The following KLHDC4 variants were observed in gnomAD, a reference collection of about 807,000 sequenced individuals.
The protein encoded by KLHDC4 is kelch domain containing 4.
A neutral mutation model predicts 62.4 loss-of-function variants in KLHDC4; 90 were observed. The ratio of observed to expected loss-of-function variants is 1.44; its 90% CI spans 1.22 to 1.72. The LOEUF is 1.72. Ranked by LOEUF, KLHDC4 falls within the 40% of genes most tolerant of loss-of-function variation. KLHDC4 has a pLI of 0.00. For synonymous variants in KLHDC4, 386 were observed against 284.4 expected (o/e 1.36, Z -3.59); for missense variants, 1,025 against 699.7 (o/e 1.47, Z -5.25).
intron 4 of KLHDC4, chr16:87,751,057 A>G (rs1221588304): frequency 2.6e-5 from 4 of 152,270 alleles, no homozygotes; most frequent in Admixed American, 2.6e-4. Context: ...ATAGAGTTTT[A>G]AACTATCATC....
intron 10 of KLHDC4, among the ~76,000 whole-genome samples, chr16:87,709,012 C>T (rs113166506): frequency 0.011 from 1,694 of 152,336 alleles, 36 homozygotes; most frequent in African/African-American, 0.039. Context: ...AGCAGATGCA[C>T]CCGTGTCCTG....
chr16:87,708,438 G>A lies in KLHDC4; in HGVS notation c.1476C>T (p.Asp492=). 1 of 1,610,518 alleles carries A rather than the reference G, an allele frequency of 6.2e-7. No homozygotes were observed. Among genetic ancestry groups the A allele is most frequent in the South Asian group, 1.1e-5 (1 of 90,906 alleles). Residue 492 remains aspartate, a synonymous_variant, in exon 11 of 12, where the codon GAC becomes GAT. Coordinates refer to ENST00000270583, the MANE Select transcript of KLHDC4 (RefSeq NM_017566.4). ...CAACCTCCTCACTGTCCTCTTCCGAGTCCGTCTCCTCCAGCCACTCCTGAG... is the reference window on the plus strand; with the variant it reads ...CAACCTCCTCACTGTCCTCTTCCGAATCCGTCTCCTCCAGCCACTCCTGAG... ...PETQEWLEET[D]SEEDSEEVEG...
intron 7 of KLHDC4, among the ~76,000 whole-genome samples, chr16:87,715,652 G>C (rs545115802): frequency 6.6e-6 from 1 of 152,268 alleles, no homozygotes; most frequent in East Asian, 1.9e-4. Flanking sequence ...TTTCTCATTA[G>C]ACTGGGGTTA....
At chr16:87,758,295 G>A (rs1334986148) in intron 2 of KLHDC4, among the ~76,000 whole-genome samples, 2 of 152,212 alleles carry the variant, frequency 1.3e-5, no homozygotes, top group Non-Finnish European at 2.9e-5. Flanking sequence ...CCAAACAGTA[G>A]AAATAACCTA....
intron 1 of KLHDC4, 73 bp downstream of exon 1, chr16:87,765,718 CG>C: frequency 3.5e-6 from 5 of 1,422,398 alleles, no homozygotes; most frequent in Non-Finnish European, 4.7e-6. Flanking sequence ...CCCGTAACCC[CG>C]GGGGGCGCAG....
intron 1 of KLHDC4, among the ~76,000 whole-genome samples, chr16:87,762,504 C>T (rs969445858): frequency 6.6e-6 from 1 of 152,262 alleles, no homozygotes; most frequent in African/African-American, 2.4e-5. Flanking sequence ...GTCACGCCTG[C>T]CTGCCTTCCT....
At chr16:87,701,524 G>C (rs1419950152) in exon 1 of KLHDC4, 1 of 371,066 alleles carries the variant, frequency 2.7e-6, no homozygotes, top group Non-Finnish European at 5.5e-6. Flanking sequence ...CCCGTGACGG[G>C]CACAGGCCAC....
downstream of KLHDC4, among the ~76,000 whole-genome samples, chr16:87,706,230 G>C (rs1331517920): frequency 5.0e-5 from 5 of 99,688 alleles, no homozygotes; most frequent in African/African-American, 1.9e-4. Context: ...CTCGGGGGGG[G>C]GTCAGCGCAA....
chr16:87,731,517 C>T (rs2040367742), intron 5 of KLHDC4, among the ~76,000 whole-genome samples: 1 of 151,934 alleles, frequency 6.6e-6, no homozygotes, highest in Admixed American at 6.6e-5. Flanking sequence ...ACATCACGAG[C>T]GGTCAGGGAA....
At chr16:87,703,542 T>C (rs190748727), downstream of KLHDC4, 1 of 152,346 alleles carries the variant, frequency 6.6e-6, no homozygotes, top group Admixed American at 6.5e-5. Flanking sequence ...ACGTCTCCGT[T>C]TGTTTCTCAG....
At chr16:87,702,407 C>T (rs907087778) in exon 1 of KLHDC4, 2 of 375,050 alleles carry the variant, frequency 5.3e-6, no homozygotes, top group Non-Finnish European at 1.1e-5. Flanking sequence ...CCGTCCTGCA[C>T]CCCCAGCCTG....
chr16:87,701,087 T>C, exon 1 of KLHDC4: 1 of 185,120 alleles, frequency 5.4e-6, no homozygotes, highest in Non-Finnish European at 1.1e-5. Context: ...AAAGCCAGGC[T>C]GTATTTTCAC....
chr16:87,731,387 A>T (rs552555275), intron 5 of KLHDC4, among the ~76,000 whole-genome samples: 1 of 152,040 alleles, frequency 6.6e-6, no homozygotes, highest in Non-Finnish European at 1.5e-5. Context: ...TTCTATCTTA[A>T]TAGTAAGATA....
At chr16:87,729,054 CAT>C (rs1168135613) in intron 6 of KLHDC4, among the ~76,000 whole-genome samples, 7 of 152,098 alleles carry the variant, frequency 4.6e-5, no homozygotes, top group Admixed American at 3.9e-4. Flanking sequence ...TGAGATTACA[CAT>C]GTGAGCCACT....
At chr16:87,737,773 T>G (rs1217465847) in intron 5 of KLHDC4, among the ~76,000 whole-genome samples, 1 of 151,994 alleles carries the variant, frequency 6.6e-6, no homozygotes, top group Non-Finnish European at 1.5e-5. Flanking sequence ...TGTATTTCTG[T>G]AGAGATGGCG....
At chr16:87,753,495 A>G (rs2044347769) in intron 4 of KLHDC4, among the ~76,000 whole-genome samples, 1 of 152,200 alleles carries the variant, frequency 6.6e-6, no homozygotes, top group South Asian at 2.1e-4. Flanking sequence ...ACTGTTTGAT[A>G]GGTGAAAAAA....
intron 7 of KLHDC4, among the ~76,000 whole-genome samples, chr16:87,723,918 C>G (rs1231452190): frequency 6.6e-6 from 1 of 152,214 alleles, no homozygotes; most frequent in African/African-American, 2.4e-5. Context: ...CTCACTGCAA[C>G]CTCCGCCTCC....
chr16:87,713,255 G>A (rs2036253180), intron 8 of KLHDC4, among the ~76,000 whole-genome samples: 2 of 151,626 alleles, frequency 1.3e-5, no homozygotes, highest in Non-Finnish European at 1.5e-5. Flanking sequence ...GCTGGAGTGC[G>A]GTGGTGCAAT....
Position 87,707,910 on chromosome 16 carries a change from G to T in KLHDC4, c.*167C>A. The T allele has an allele frequency of 2.2e-6, 1 of 459,366 alleles. No homozygotes were observed. Among genetic ancestry groups the T allele is most frequent in the South Asian group, 1.5e-5 (1 of 64,572 alleles). The allele number at this position is 459,366 out of a possible 1,614,324, so 28.5% of individuals were successfully genotyped here. ...GAACTTCCGGCCCAGTGCCGCGTCA[G>T]AGACTAAACCATGGGAGAAAGTTCA... On this transcript the variant is annotated 3_prime_UTR_variant, in exon 12 of 12. Transcript: ENST00000270583.
Sources: gnomAD v4.1 joint callset for allele counts (sites outside exome capture counted in the v4.1 genomes callset) on GRCh38, gnomAD v4.1.1 for gene constraint, MANE v1.5 for transcripts, NCBI Gene and HGNC (gene_info 2026-07-23, HGNC 2026-07-21) for gene names.